Variants in ABCC5 observed in about 807,000 individuals in gnomAD.
The protein encoded by ABCC5 is ATP-binding cassette sub-family C member 5.
In ABCC5, 61 loss-of-function variants were observed where a neutral mutation model predicts 160.9. That is an observed-to-expected ratio of 0.38 (90% CI 0.31 to 0.47). The LOEUF (loss-of-function observed/expected upper bound fraction) is 0.47. ABCC5 is among the 20% of genes least tolerant of loss of function. ABCC5 has a pLI of 0.99. For missense variants in ABCC5, 1,308 were observed against 1,813.3 expected (o/e 0.72, Z 5.06); for synonymous variants, 666 against 700.6 (o/e 0.95, Z 0.78).
chr3:183,948,942 G>A (rs1419659587), intron 22 of ABCC5, among the ~76,000 whole-genome samples: 2 of 152,130 alleles, frequency 1.3e-5, no homozygotes, highest in Non-Finnish European at 2.9e-5. Flanking sequence ...GACCTCAGGC[G>A]ATCCGCCCAC....
In ABCC5 at chr3:183,980,705, C is replaced by G. The variant is rs139024453; in HGVS notation, c.1147+1022G>C. 5.2e-3 allele frequency among the ~76,000 whole-genome samples: 747 copies of G among 144,620 alleles called. 11 individuals carry two copies. Among genetic ancestry groups the G allele is most frequent in the African/African-American group, 0.019 (699 of 36,866 alleles). The allele number at this position is 144,620 out of a possible 152,430, so 94.9% of individuals were successfully genotyped here. A position where few individuals can be genotyped will look rare whatever the true frequency, so the allele number is the denominator to read the frequency against. ...AAAACAACAGCTGCCTTGCTCTGAA[C>G]ACTGTTTTGTTTTTTTTTTTTTTTT... On this transcript the variant is annotated intron_variant, in intron 8 of 29. Transcript: ENST00000334444.
chr3:183,978,386 T>G, intron 9 of ABCC5, 117 bp downstream of exon 9: 1 of 1,215,918 alleles, frequency 8.2e-7, no homozygotes, highest in East Asian at 2.4e-5. Flanking sequence ...TGGAGTGCAA[T>G]GGCATGATCT....
intron 2 of ABCC5, among the ~76,000 whole-genome samples, chr3:184,013,662 G>C (rs747746032): frequency 5.9e-5 from 9 of 152,184 alleles, no homozygotes; most frequent in Non-Finnish European, 1.2e-4. Context: ...TTGACCCCAT[G>C]ACCCCCTCCC....
chr3:183,987,595 T>C lies in ABCC5; in HGVS notation c.591+175A>G. On this transcript the variant is annotated intron_variant, in intron 5 of 29. Coordinates refer to ENST00000334444, the MANE Select transcript of ABCC5 (RefSeq NM_005688.4). This position sits in a 1 kb window ranked among gnomAD's most constrained non-coding sequence, Gnocchi z 4.2. ...CATTTCTTCTCTGGCAACACTGCCC[T>C]TTCATCCTTCCAGCTGTTGCCAAAA... 1 of 826,618 alleles carries C rather than the reference T, an allele frequency of 1.2e-6. No homozygotes were observed. Among genetic ancestry groups the C allele is most frequent in the Non-Finnish European group, 2.0e-6 (1 of 509,240 alleles). The allele number at this position is 826,618 out of a possible 1,614,324, so 51.2% of individuals were successfully genotyped here.
rs200681258 is a variant in ABCC5 at position 183,947,417 on chromosome 3, G to A, written c.3321C>T (p.Ile1107=). Reference sequence around the variant, plus strand: ...TCAGCCCCGTGGTGGTGATGAGGGCGATGCTGATGAGGTCCAGCCGCACAG... The same window carrying A: ...TCAGCCCCGTGGTGGTGATGAGGGCAATGCTGATGAGGTCCAGCCGCACAG... ...WLAVRLDLIS[I]ALITTTGLMI... Residue 1107 remains isoleucine (I), a synonymous_variant, in exon 23 of 30, where the codon ATC becomes ATT. Transcript: ENST00000334444. 1.9e-4 allele frequency: 306 copies of A among 1,613,710 alleles called. No individual in the cohort carries two copies. The highest frequency in any genetic ancestry group is 2.3e-4 in the Non-Finnish European group (270 of 1,179,880).
rs186126015 is a variant in ABCC5, at chr3:183,981,188, G to T, written c.1147+539C>A. ...AATTTCACCTGTTTCAAGGCACACT[G>T]GTTCAATTTGTGTTGAGATCTTTCT... On this transcript the variant is annotated intron_variant, in intron 8 of 29. Transcript: ENST00000334444. Among the ~76,000 whole-genome samples the T allele has an allele frequency of 3.3e-5, 5 of 152,256 alleles. No homozygotes were observed. In the East Asian group the frequency reaches 9.6e-4, roughly 29 times the overall value.
chr3:183,991,306 G>GAA (rs11404217), intron 2 of ABCC5, among the ~76,000 whole-genome samples: 381 of 146,556 alleles, frequency 2.6e-3, no homozygotes, highest in African/African-American at 7.8e-3. Context: ...CTAAAAGAAG[G>GAA]AAAAAAAAAA....
chr3:183,952,098 C>A, intron 18 of ABCC5, 95 bp from the exon 19 acceptor site: 9 of 1,285,102 alleles, frequency 7.0e-6, no homozygotes, highest in Admixed American at 1.9e-5. Flanking sequence ...GGGCAGGGTA[C>A]AGGATAATGA....
At chr3:183,995,093 A>G (rs1720157834) in intron 2 of ABCC5, among the ~76,000 whole-genome samples, 1 of 151,350 alleles carries the variant, frequency 6.6e-6, no homozygotes, top group Admixed American at 6.6e-5. Context: ...CGATCCTCCC[A>G]CCTTGACCTC....
intron 10 of ABCC5, 113 bp from the exon 11 acceptor site, chr3:183,972,032 A>T (rs1717800475): frequency 6.3e-7 from 1 of 1,579,172 alleles, no homozygotes; most frequent in Non-Finnish European, 8.6e-7. Context: ...CAGTGGAAGG[A>T]AGCTGAAGGG....
chr3:183,960,546 G>C (rs1293844055), intron 16 of ABCC5, among the ~76,000 whole-genome samples: 4 of 152,148 alleles, frequency 2.6e-5, no homozygotes, highest in African/African-American at 9.7e-5. Flanking sequence ...CTATACATGT[G>C]ATGTGGTCTT....
intron 17 of ABCC5, among the ~76,000 whole-genome samples, chr3:183,957,980 G>A (rs1339233140): frequency 9.6e-6 from 1 of 104,098 alleles, no homozygotes; most frequent in Non-Finnish European, 2.1e-5. Context: ...GGATCCGTGT[G>A]TACATCACAT....
intron 26 of ABCC5, among the ~76,000 whole-genome samples, chr3:183,934,895 T>A (rs1713538223): frequency 1.3e-5 from 2 of 152,170 alleles, no homozygotes; most frequent in South Asian, 4.1e-4. Context: ...ATTGTTAAAT[T>A]AAAACTGAGG....
rs1408314728 is a variant in ABCC5 at position 183,947,330 on chromosome 3, A to G, written c.3408T>C (p.Ala1136=). ...TCCTATCCCAGAGACTGACCTGGAC[A>G]GCATAAGAGATGGCGAGACCCGCAT... The part of the protein sequence containing the change: ...PAYAGLAISY[A]VQLTGLFQFT... Residue 1136 remains alanine, a synonymous_variant, in exon 23 of 30, where the codon GCT becomes GCC. Coordinates refer to ENST00000334444, the MANE Select transcript of ABCC5 (RefSeq NM_005688.4). 4 of 1,606,272 alleles carry G rather than the reference A, an allele frequency of 2.5e-6. No individual in the cohort carries two copies. Among genetic ancestry groups the G allele is most frequent in the Admixed American group, 1.7e-5 (1 of 59,436 alleles).
chr3:183,942,706 G>A, intron 25 of ABCC5, 21 bp downstream of exon 25: 1 of 1,606,424 alleles, frequency 6.2e-7, no homozygotes, highest in Non-Finnish European at 8.5e-7. Flanking sequence ...TGGATTCAAA[G>A]AAGGCTTTGC....
At chr3:183,981,279 C>A (rs1252019786) in intron 8 of ABCC5, among the ~76,000 whole-genome samples, 1 of 152,144 alleles carries the variant, frequency 6.6e-6, no homozygotes, top group Admixed American at 6.5e-5. Flanking sequence ...GAGCTAGGAC[C>A]AGCATCCAGC....
intron 17 of ABCC5, 90 bp downstream of exon 17, chr3:183,959,643 C>T: frequency 1.0e-6 from 1 of 976,462 alleles, no homozygotes; most frequent in African/African-American, 1.6e-5. Flanking sequence ...TGTACACACA[C>T]TGCTATCAAA....
intron 1 of ABCC5, among the ~76,000 whole-genome samples, chr3:184,015,051 A>G (rs1306652926): frequency 6.6e-6 from 1 of 152,218 alleles, no homozygotes; most frequent in African/African-American, 2.4e-5. Flanking sequence ...ATGTTCTAAA[A>G]CTAGATAGTG....
intron 5 of ABCC5, chr3:183,984,714 C>T (rs1057419121): frequency 8.5e-6 from 13 of 1,526,090 alleles, no homozygotes; most frequent in Middle Eastern, 1.7e-4. Context: ...TGTATACAGC[C>T]GGGTTGCTGG....
Sources: allele counts gnomAD v4.1 joint callset (sites outside exome capture counted in the v4.1 genomes callset), GRCh38; gene constraint gnomAD v4.1.1; non-coding constraint Gnocchi (gnomAD v3.1); transcripts MANE v1.5; gene names NCBI Gene and HGNC (gene_info 2026-07-23, HGNC 2026-07-21).